FHIT: variants seen among roughly 807,000 people sequenced by gnomAD.
FHIT encodes bis(5'-adenosyl)-triphosphatase.
FHIT carries 19 observed loss-of-function variants against 17.9 expected under a neutral mutation model. The observed-to-expected ratio is 1.06, with a 90% CI of 0.74 to 1.56. The LOEUF (loss-of-function observed/expected upper bound fraction) is 1.56. FHIT is among the 40% of genes most tolerant of loss of function. The pLI, the probability that FHIT is intolerant of heterozygous loss-of-function variation, is 0.00. For missense variants in FHIT, 248 were observed against 189.2 expected (o/e 1.31, Z -1.82); for synonymous variants, 81 against 69.7 (o/e 1.16, Z -0.81).
intron 3 of FHIT, among the ~76,000 whole-genome samples, chr3:60,920,028 C>T (rs1190448090): frequency 1.3e-5 from 2 of 149,290 alleles, no homozygotes; most frequent in African/African-American, 4.9e-5. Context: ...AGCGAGACTC[C>T]GTCTCAAAAA....
At chr3:60,158,352 C>G (rs904571692) in intron 5 of FHIT, among the ~76,000 whole-genome samples, 5 of 151,874 alleles carry the variant, frequency 3.3e-5, no homozygotes, top group Non-Finnish European at 7.4e-5. Context: ...AGAATCTCTG[C>G]CCAGTCTGGA....
chr3:60,901,000 A>G (rs1706089721), intron 3 of FHIT, among the ~76,000 whole-genome samples: 1 of 152,178 alleles, frequency 6.6e-6, no homozygotes, highest in South Asian at 2.1e-4. Context: ...CTAGGGGACA[A>G]AGTAATTTAA....
intron 3 of FHIT, among the ~76,000 whole-genome samples, chr3:60,915,603 T>A (rs1706956649): frequency 6.6e-6 from 1 of 152,020 alleles, no homozygotes; most frequent in African/African-American, 2.4e-5. Context: ...TACATTTCCA[T>A]AAAGTCATGA....
At chr3:60,660,729 C>CTTTTTTTTTTTTCTTTTTTTT (rs2040223364) in intron 4 of FHIT, among the ~76,000 whole-genome samples, 1 of 37,278 alleles carries the variant, frequency 2.7e-5, no homozygotes, top group East Asian at 9.0e-4. Context: ...TTATTGTGCT[C>CTTTTTTTTTTTTCTTTTTTTT]TTTTTTTTTT....
chr3:60,426,903 A>G (rs555031207), intron 5 of FHIT, among the ~76,000 whole-genome samples: 1 of 152,224 alleles, frequency 6.6e-6, no homozygotes, highest in South Asian at 2.1e-4. Flanking sequence ...TGTAACCCAT[A>G]TAATTCCTCC....
chr3:60,721,883 T>G (rs2041816975), intron 4 of FHIT, among the ~76,000 whole-genome samples: 1 of 152,112 alleles, frequency 6.6e-6, no homozygotes. Flanking sequence ...CTAACAATAG[T>G]ACATCTGGAA....
intron 5 of FHIT, among the ~76,000 whole-genome samples, chr3:60,447,947 A>C (rs939020867): frequency 1.3e-5 from 2 of 152,334 alleles, no homozygotes; most frequent in South Asian, 2.1e-4. Context: ...CCTGCAGAAG[A>C]AAGTAAAAGA....
At chr3:59,942,930 T>G (rs1474308) in intron 7 of FHIT, among the ~76,000 whole-genome samples, 3 of 152,108 alleles carry the variant, frequency 2.0e-5, no homozygotes, top group African/African-American at 4.8e-5. Context: ...ATTACAAGCA[T>G]GACCCACTGT....
intron 1 of FHIT, among the ~76,000 whole-genome samples, chr3:61,240,044 G>A (rs1223046032): frequency 6.6e-6 from 1 of 152,018 alleles, no homozygotes; most frequent in African/African-American, 2.4e-5. Flanking sequence ...AACACCTCTA[G>A]GCCAGGGAAA....
chr3:60,947,628 A>G (rs1708697846), intron 3 of FHIT, among the ~76,000 whole-genome samples: 1 of 152,166 alleles, frequency 6.6e-6, no homozygotes. Context: ...AAAAGGTCAT[A>G]ACCTGTACCC....
intron 3 of FHIT, among the ~76,000 whole-genome samples, chr3:60,929,445 T>C (rs1707831852): frequency 6.6e-6 from 1 of 152,208 alleles, no homozygotes; most frequent in Non-Finnish European, 1.5e-5. Flanking sequence ...GATGACATGA[T>C]TGTGTATCTA....
At chr3:60,817,697 G>A (rs1243303550) in intron 4 of FHIT, among the ~76,000 whole-genome samples, 1 of 152,006 alleles carries the variant, frequency 6.6e-6, no homozygotes, top group Non-Finnish European at 1.5e-5. Context: ...TCACCAGTTG[G>A]AATATGATGT....
chr3:60,411,703 G>A (rs536374408), intron 5 of FHIT, among the ~76,000 whole-genome samples: 1 of 152,238 alleles, frequency 6.6e-6, no homozygotes, highest in Non-Finnish European at 1.5e-5. Context: ...AAAAAAGTGT[G>A]CCAGATGGTT....
At chr3:60,320,699 T>C (rs1709385767) in intron 5 of FHIT, among the ~76,000 whole-genome samples, 1 of 151,936 alleles carries the variant, frequency 6.6e-6, no homozygotes, top group Admixed American at 6.6e-5. Context: ...TCAAATAAAA[T>C]GAAAAGATTT....
chr3:60,258,058 AAT>A (rs1323801359), intron 5 of FHIT, among the ~76,000 whole-genome samples: 4 of 124,462 alleles, frequency 3.2e-5, no homozygotes, highest in Non-Finnish European at 6.8e-5. Context: ...AAAAGTTGGA[AAT>A]TAAATACACA....
intron 4 of FHIT, among the ~76,000 whole-genome samples, chr3:60,813,323 C>T (rs1553736604): frequency 2.0e-5 from 3 of 151,622 alleles, no homozygotes; most frequent in Non-Finnish European, 4.4e-5. Context: ...AATAAATTGC[C>T]CAATCTCGGG....
intron 4 of FHIT, among the ~76,000 whole-genome samples, chr3:60,641,115 G>A (rs1343827989): frequency 2.0e-5 from 3 of 152,150 alleles, no homozygotes; most frequent in Admixed American, 6.6e-5. Flanking sequence ...GGGAGGTGGA[G>A]GTTGTAGTAA....
chr3:60,465,169 C>G (rs1448811062), intron 5 of FHIT, among the ~76,000 whole-genome samples: 1 of 151,964 alleles, frequency 6.6e-6, no homozygotes, highest in Non-Finnish European at 1.5e-5. Flanking sequence ...TTGTATGTTT[C>G]TTTTGAGAAA....
At chr3:61,152,949 C>G (rs1247317053) in intron 2 of FHIT, among the ~76,000 whole-genome samples, 2 of 152,076 alleles carry the variant, frequency 1.3e-5, no homozygotes, top group Non-Finnish European at 2.9e-5. Flanking sequence ...CGAGACCATC[C>G]TGGCTAACAC....
Sources: allele counts gnomAD v4.1 joint callset (sites outside exome capture counted in the v4.1 genomes callset), GRCh38; gene constraint gnomAD v4.1.1; transcripts MANE v1.5; gene names NCBI Gene and HGNC (gene_info 2026-07-23, HGNC 2026-07-21).